The following FSD2 variants were observed in gnomAD, a reference collection of about 807,000 sequenced individuals.
FSD2 encodes the protein fibronectin type III and SPRY domain containing 2.
Under a neutral mutation model 80.4 loss-of-function variants are expected in FSD2, and 71 were observed. That is an observed-to-expected ratio of 0.88 (90% CI 0.73 to 1.08). FSD2 has a LOEUF of 1.08. FSD2 is among the 50% of genes least tolerant of loss of function. The pLI is 0.00. For synonymous variants in FSD2, 361 were observed against 329.5 expected (o/e 1.10, Z -1.03); for missense variants, 923 against 913.8 (o/e 1.01, Z -0.13).
chr15:82,782,646 A>G (rs1406519119), intron 4 of FSD2, 149 bp downstream of exon 4: 1 of 680,628 alleles, frequency 1.5e-6, no homozygotes, highest in Non-Finnish European at 2.6e-6. Context: ...ATCCAGTGGA[A>G]TCAAATGGAT....
Position 82,768,884 on chromosome 15 carries a change from T to C in FSD2, c.1549A>G (p.Thr517Ala). The C allele has an allele frequency of 1.3e-6, 2 of 1,542,818 alleles. No homozygotes were observed. Among genetic ancestry groups the C allele is most frequent in the Non-Finnish European group, 1.7e-6 (2 of 1,146,948 alleles). The change falls in exon 9 of 13, where the codon ACT (threonine) becomes GCT (alanine). Residue 517 changes from threonine to alanine, a missense_variant. Transcript: ENST00000334574. ...QAESPEASGV[T>A]ESVVGIPTCE... ...GCAAATGCCCTCATGACTCACTCAG[T>C]TACACCCGAGGCTTCTGGACTTTCA...
intron 9 of FSD2, among the ~76,000 whole-genome samples, chr15:82,768,174 C>G (rs773192349): frequency 6.6e-6 from 1 of 152,236 alleles, no homozygotes; most frequent in Non-Finnish European, 1.5e-5. Context: ...TTTGTACATT[C>G]AGCTGCAATC....
rs1282252431 is a variant in FSD2, at chr15:82,758,159, G to A, written c.*1189C>T. ...TTTTTTTAAACACAAAACCTTAAAT[G>A]ATGAGATTAGGGCATATCTGGGTTT... On this transcript the variant is annotated 3_prime_UTR_variant, in exon 13 of 13. Transcript: ENST00000334574. The A allele has an allele frequency of 6.6e-6, 1 of 152,034 alleles. No individual in the cohort carries two copies. The highest frequency in any genetic ancestry group is 1.5e-5 in the Non-Finnish European group (1 of 68,018). The allele number at this position is 152,034 out of a possible 1,614,324, so 9.4% of individuals were successfully genotyped here.
chr15:82,761,043 A>T (rs2049286018), intron 12 of FSD2, among the ~76,000 whole-genome samples: 1 of 152,226 alleles, frequency 6.6e-6, no homozygotes, highest in South Asian at 2.1e-4. Context: ...GATTCCCCAA[A>T]CTGGGTGTGA....
chr15:82,791,285 A>C (rs1596257958), intron 1 of FSD2, among the ~76,000 whole-genome samples: 1 of 152,296 alleles, frequency 6.6e-6, no homozygotes, highest in East Asian at 1.9e-4. Context: ...GGCGTGAGCC[A>C]CCGCACCCGG....
At chr15:82,786,402 C>T in intron 3 of FSD2, 109 bp downstream of exon 3, 2 of 842,086 alleles carry the variant, frequency 2.4e-6, no homozygotes, top group African/African-American at 1.7e-5. Flanking sequence ...GTGGTGACCC[C>T]TCACATTCTA....
chr15:82,801,125 T>G (rs543002036), intron 1 of FSD2, among the ~76,000 whole-genome samples: 2 of 152,238 alleles, frequency 1.3e-5, no homozygotes, highest in South Asian at 2.1e-4. Flanking sequence ...TAAAATAAAC[T>G]TTCTCTATGC....
At chr15:82,768,850 T>A (rs1240428917) in intron 9 of FSD2, 30 bp downstream of exon 9, 4 of 1,454,768 alleles carry the variant, frequency 2.7e-6, no homozygotes, top group Non-Finnish European at 3.6e-6. Flanking sequence ...GTCAGGGCTC[T>A]CGTGCCCAGC....
rs1449217047 is a variant in FSD2, at chr15:82,786,977, G to A, written c.414C>T (p.Gly138=). ...EAEDLGFGGW[G]SAGQCQDLRE... is the part of the protein sequence containing the mutation. ...GCAAGTCCTGGCACTGGCCTGCTGA[G>A]CCCCACCCTCCGAAGCCCAGGTCCT... is the stretch of plus-strand genomic sequence containing the variant. The change falls in exon 2 of 13, where the codon GGC becomes GGT. Residue 138 remains glycine, a synonymous_variant. Transcript: ENST00000334574. 1.9e-6 allele frequency: 3 copies of A among 1,613,850 alleles called. No homozygotes were observed. Among genetic ancestry groups the A allele is most frequent in the Non-Finnish European group, 2.5e-6 (3 of 1,179,888 alleles).
At chr15:82,789,969 G>A (rs1207394355) in intron 1 of FSD2, among the ~76,000 whole-genome samples, 1 of 152,186 alleles carries the variant, frequency 6.6e-6, no homozygotes, top group African/African-American at 2.4e-5. Flanking sequence ...GAGGTCAGGA[G>A]TTCGAGACCA....
intron 3 of FSD2, among the ~76,000 whole-genome samples, chr15:82,784,099 A>T (rs1280054998): frequency 1.3e-5 from 2 of 152,130 alleles, no homozygotes; most frequent in Non-Finnish European, 2.9e-5. Flanking sequence ...TGTGCACAGG[A>T]CTTGCTCAGA....
Position 82,778,799 on chromosome 15 carries a change from C to G in FSD2, c.1078G>C (p.Glu360Gln). 6.2e-7 allele frequency: 1 copy of G among 1,613,650 alleles called. No individual in the cohort carries two copies. Residue 360 changes from glutamate (E) to glutamine (Q), a missense_variant, in exon 6 of 13, where the codon GAG becomes CAG. Coordinates refer to ENST00000334574, the MANE Select transcript of FSD2 (RefSeq NM_001007122.4). The stretch of plus-strand genomic sequence containing the variant: ...GTGTTAATGGAGCCCATCAGCTGCT[C>G]CACATCAGAGAAATCCAAGGTCTGG... ...EDQTLDFSDV[E>Q]QLMGSINTIP...
intron 1 of FSD2, among the ~76,000 whole-genome samples, chr15:82,790,098 C>T (rs2050102655): frequency 1.3e-5 from 2 of 152,136 alleles, no homozygotes; most frequent in South Asian, 2.1e-4. Context: ...ATTGCTTGAA[C>T]CAGGGAGGCG....
In FSD2 at chr15:82,787,109, GTT is replaced by G. The variant is rs1229274191; in HGVS notation, c.280_281del (p.Asn94HisfsTer29). On this transcript the variant is annotated frameshift_variant, in exon 2 of 13. Transcript: ENST00000334574. LOFTEE classifies it high-confidence loss of function. The part of the protein sequence containing the change: ...HELGDEFVDE[N>X]IPRTGVSEYP... ...ATTCTGAAACCCCTGTTCTGGGTAT[GTT>G]TTCATCAACAAACTCATCCCCTAAT... is the stretch of plus-strand genomic sequence containing the variant. 1 of 1,613,874 alleles carries G rather than the reference GTT, an allele frequency of 6.2e-7. No individual in the cohort carries two copies. Among genetic ancestry groups the G allele is most frequent in the African/African-American group, 1.3e-5 (1 of 74,924 alleles).
chr15:82,791,504 G>A (rs759383169), intron 1 of FSD2, among the ~76,000 whole-genome samples: 1 of 152,050 alleles, frequency 6.6e-6, no homozygotes, highest in Non-Finnish European at 1.5e-5. Flanking sequence ...CCAAGTAGCT[G>A]GGACTACAGG....
intron 1 of FSD2, among the ~76,000 whole-genome samples, chr15:82,802,184 C>T (rs2050429558): frequency 6.6e-6 from 1 of 152,176 alleles, no homozygotes; most frequent in Non-Finnish European, 1.5e-5. Context: ...TAGGGCACAG[C>T]TTCTTCTCAC....
chr15:82,762,014 C>T (rs976402425), intron 12 of FSD2, 88 bp downstream of exon 12: 186 of 1,106,682 alleles, frequency 1.7e-4, no homozygotes, highest in Non-Finnish European at 5.8e-5. Flanking sequence ...TAAAATATAA[C>T]GTGTGTCTTA....
At chr15:82,790,745 T>G (rs1190394100) in intron 1 of FSD2, among the ~76,000 whole-genome samples, 3 of 141,258 alleles carry the variant, frequency 2.1e-5, no homozygotes, top group African/African-American at 7.8e-5. Context: ...CCAGCTAATT[T>G]TTTTTTTTTT....
intron 1 of FSD2, among the ~76,000 whole-genome samples, chr15:82,794,237 A>G (rs960109775): frequency 1.3e-4 from 19 of 151,966 alleles, no homozygotes; most frequent in African/African-American, 4.6e-4. Flanking sequence ...TCTTTGACCC[A>G]TTGGTTATTG....
Sources: gnomAD v4.1 joint callset for allele counts (sites outside exome capture counted in the v4.1 genomes callset) on GRCh38, gnomAD v4.1.1 for gene constraint, MANE v1.5 for transcripts, NCBI Gene and HGNC (gene_info 2026-07-23, HGNC 2026-07-21) for gene names.